NRXN3: variants seen among roughly 807,000 people sequenced by gnomAD.
The protein encoded by NRXN3 is neurexin 3.
Under a neutral mutation model 137.6 loss-of-function variants are expected in NRXN3, and 32 were observed. The observed-to-expected ratio is 0.23, with a 90% confidence interval of 0.18 to 0.31. The LOEUF (loss-of-function observed/expected upper bound fraction) is 0.31, where lower values mean the gene tolerates loss of function less well. Ranked by LOEUF, NRXN3 falls within the 10% of genes least tolerant of loss-of-function variation. NRXN3 has a pLI of 1.00. For missense variants in NRXN3, 1,574 were observed against 2,062.5 expected, an observed-to-expected ratio of 0.76 and a Z score of 4.59; for synonymous variants, 798 against 784.5, an observed-to-expected ratio of 1.02 and a Z score of -0.29.
rs1489487005 is a variant in NRXN3 at position 79,692,499 on chromosome 14, C to T, written c.3706+237C>T. Among the ~76,000 whole-genome samples, 3 of 152,032 alleles carry T rather than the reference C, an allele frequency of 2.0e-5. No homozygotes were observed. The East Asian group carries it at 5.8e-4, about 29-fold the overall frequency. ...TCTAGCCTGCTATCAGCATGACAAACACAAACAAGAAATTCCAGGAACTTC... is the reference window on the plus strand; with the variant it reads ...TCTAGCCTGCTATCAGCATGACAAATACAAACAAGAAATTCCAGGAACTTC... On this transcript the variant is annotated intron_variant, in intron 18 of 20. Transcript: ENST00000335750.
intron 19 of NRXN3, among the ~76,000 whole-genome samples, chr14:79,701,035 T>C (rs1321350598): frequency 1.3e-5 from 2 of 152,020 alleles, no homozygotes; most frequent in Non-Finnish European, 2.9e-5. Flanking sequence ...CAAGACAGGC[T>C]TTATTACCTA....
intron 20 of NRXN3, among the ~76,000 whole-genome samples, chr14:79,859,119 C>A (rs2099409183): frequency 1.3e-5 from 2 of 152,114 alleles, no homozygotes; most frequent in Non-Finnish European, 2.9e-5. Flanking sequence ...AGAGCACATA[C>A]TACAAGATCA....
chr14:78,911,815 A>AG (rs1439770079), intron 10 of NRXN3, among the ~76,000 whole-genome samples: 1 of 152,120 alleles, frequency 6.6e-6, no homozygotes, highest in African/African-American at 2.4e-5. Context: ...ACAAGACCCT[A>AG]GGGTGGAGGA....
Position 78,698,903 on chromosome 14 carries a change from G to T in NRXN3, c.1222-10314G>T, listed in dbSNP as rs1173595862. ...CTTTTCATCTCATTACTTATTTTCA[G>T]GCAGAATAGATATAGAGGCTTCTTT... On this transcript the variant is annotated intron_variant, in intron 6 of 20. Transcript: ENST00000335750. Among the ~76,000 whole-genome samples, 5 of 151,930 alleles carry T rather than the reference G, an allele frequency of 3.3e-5. No homozygotes were observed. The South Asian group carries it at 8.3e-4, about 25-fold the overall frequency.
chr14:78,775,543 G>A (rs1056447925), intron 8 of NRXN3, among the ~76,000 whole-genome samples: 10 of 152,076 alleles, frequency 6.6e-5, no homozygotes, highest in African/African-American at 9.7e-5. Flanking sequence ...TTCTTCTTCC[G>A]ATGTGACCCA....
intron 2 of NRXN3, among the ~76,000 whole-genome samples, chr14:78,244,590 A>T (rs767568332): frequency 3.2e-4 from 49 of 152,062 alleles, no homozygotes; most frequent in Non-Finnish European, 6.2e-4. Context: ...AAATGAACCC[A>T]GTTCTTCTAT....
At chr14:78,927,938 T>C (rs2099310645) in intron 10 of NRXN3, among the ~76,000 whole-genome samples, 1 of 152,148 alleles carries the variant, frequency 6.6e-6, no homozygotes, top group African/African-American at 2.4e-5. Flanking sequence ...GAGGGAGTCC[T>C]CTGCCTGGGG....
rs371646998 is a variant in NRXN3 at position 78,389,307 on chromosome 14, C to T, written c.757+91447C>T. Among the ~76,000 whole-genome samples the T allele has an allele frequency of 2.0e-5, 3 of 152,232 alleles. No homozygotes were observed. In the East Asian group the frequency reaches 5.8e-4, roughly 29 times the overall value. On this transcript the variant is annotated intron_variant, in intron 4 of 20. Coordinates refer to ENST00000335750, the MANE Select transcript of NRXN3 (RefSeq NM_001330195.2). Reference sequence around the variant, plus strand: ...CTCACCTCAGGTGATCCGTCCTCCTCAGCCTCCCAAAGTTCTGGGATTACA... The same window carrying T: ...CTCACCTCAGGTGATCCGTCCTCCTTAGCCTCCCAAAGTTCTGGGATTACA...
At chr14:78,489,889 C>G (rs963788171) in intron 4 of NRXN3, among the ~76,000 whole-genome samples, 1 of 150,062 alleles carries the variant, frequency 6.7e-6, no homozygotes, top group African/African-American at 2.5e-5. Context: ...CACTCAAGAG[C>G]TCTCTGGAGA....
In NRXN3 at chr14:78,903,761, A is replaced by T. The variant is rs114387708; in HGVS notation, c.2276-53481A>T. On this transcript the variant is annotated intron_variant, in intron 10 of 20. Transcript: ENST00000335750. ...CCCTGGTGACATGTGACTAATAGGT[A>T]AAAAGAACATACAATGCTGGGAGCA... Among the ~76,000 whole-genome samples, 265 of 152,180 alleles carry T rather than the reference A, an allele frequency of 1.7e-3. 1 individual carries two copies. The highest frequency in any genetic ancestry group is 6.2e-3 in the African/African-American group (259 of 41,568).
chr14:79,178,502 T>C (rs931046057), intron 15 of NRXN3, among the ~76,000 whole-genome samples: 27 of 152,356 alleles, frequency 1.8e-4, no homozygotes, highest in Admixed American at 7.8e-4. Flanking sequence ...AAAAACAACA[T>C]TTACTTTCAT....
chr14:79,780,340 C>A (rs1352822404), intron 19 of NRXN3, among the ~76,000 whole-genome samples: 1 of 152,036 alleles, frequency 6.6e-6, no homozygotes, highest in Non-Finnish European at 1.5e-5. Flanking sequence ...GTGGCTCATG[C>A]CTGTAATCCC....
chr14:79,371,213 A>AT lies in NRXN3; in HGVS notation c.3263-96000dup, dbSNP rs574148297. Among the ~76,000 whole-genome samples, 222 of 152,130 alleles carry AT rather than the reference A, an allele frequency of 1.5e-3. 2 individuals are homozygous for AT. The highest frequency in any genetic ancestry group is 5.0e-3 in the African/African-American group (206 of 41,518). On this transcript the variant is annotated intron_variant, in intron 15 of 20. Transcript: ENST00000335750. ...ATCTCCTGAAGCTTTCATTGTCCAC[A>AT]TTTTTTTTCTACCCTTTAGTCATGT...
intron 15 of NRXN3, among the ~76,000 whole-genome samples, chr14:79,257,916 A>T (rs2077017841): frequency 6.6e-6 from 1 of 152,108 alleles, no homozygotes; most frequent in Non-Finnish European, 1.5e-5. Context: ...TTCAATTTTA[A>T]ACTTTTCTCT....
At chr14:79,157,672 A>G (rs2060377325) in intron 15 of NRXN3, among the ~76,000 whole-genome samples, 1 of 151,836 alleles carries the variant, frequency 6.6e-6, no homozygotes, top group South Asian at 2.1e-4. Flanking sequence ...AAAGTTATGT[A>G]CTGTCATTTG....
intron 4 of NRXN3, among the ~76,000 whole-genome samples, chr14:78,551,896 A>G (rs2096694913): frequency 6.6e-6 from 1 of 152,116 alleles, no homozygotes; most frequent in Admixed American, 6.6e-5. Flanking sequence ...AAAAGTCAGA[A>G]AAACATTTTC....
At chr14:79,528,913 C>T (rs2097145334) in intron 16 of NRXN3, among the ~76,000 whole-genome samples, 1 of 152,142 alleles carries the variant, frequency 6.6e-6, no homozygotes, top group Non-Finnish European at 1.5e-5. Flanking sequence ...CTTCATCTCT[C>T]ATTAATGATC....
chr14:79,280,309 C>A (rs376178472), intron 15 of NRXN3: 15 of 1,614,094 alleles, frequency 9.3e-6, no homozygotes, highest in Non-Finnish European at 1.3e-5. Flanking sequence ...TGAGAATCCA[C>A]GCGAGACGGA....
intron 8 of NRXN3, among the ~76,000 whole-genome samples, chr14:78,793,235 A>G (rs1341082466): frequency 1.3e-5 from 2 of 152,216 alleles, no homozygotes; most frequent in Non-Finnish European, 2.9e-5. Flanking sequence ...CCCCCAAAAA[A>G]TAAAAGACAT....
Sources: gnomAD v4.1 joint callset for allele counts (sites outside exome capture counted in the v4.1 genomes callset) on GRCh38, gnomAD v4.1.1 for gene constraint, MANE v1.5 for transcripts, NCBI Gene and HGNC (gene_info 2026-07-23, HGNC 2026-07-21) for gene names.